HMGCS2: variants seen among roughly 807,000 people sequenced by gnomAD.
HMGCS2 encodes the protein hydroxymethylglutaryl-CoA synthase, mitochondrial.
HMGCS2 carries 50 observed loss-of-function variants against 57.4 expected under a neutral mutation model. That is an observed-to-expected ratio of 0.87 (90% CI 0.69 to 1.10). HMGCS2 has a LOEUF of 1.10. Among genes scored for constraint, HMGCS2 ranks in the 50% least tolerant of loss-of-function variants. The pLI is 0.00. For synonymous variants in HMGCS2, 254 were observed against 245.1 expected, an observed-to-expected ratio of 1.04 and a Z score of -0.34; for missense variants, 627 against 636.5, an observed-to-expected ratio of 0.99 and a Z score of 0.16.
rs200607527 is a variant in HMGCS2, at chr1:119,764,385, G to A, written c.346C>T (p.Arg116Cys). ...ACAGAGTCCCATGGGAGCTGTATGC[G>A]CTCCATCAGCCGTTGCACCACCGTC... ...CLTVVQRLME[R>C]IQLPWDSVGR... The change falls in exon 2 of 10, where the codon CGC becomes TGC. Residue 116 changes from arginine (R) to cysteine (C), a missense_variant. Transcript: ENST00000369406. 120 of 1,614,080 alleles carry A rather than the reference G, an allele frequency of 7.4e-5. No homozygotes were observed. The highest frequency in any genetic ancestry group is 9.1e-5 in the Non-Finnish European group (107 of 1,180,038).
In HMGCS2 at chr1:119,764,355, T is replaced by G. The variant is rs1436348108; in HGVS notation, c.376A>C (p.Arg126=). 1 of 1,614,150 alleles carries G rather than the reference T, an allele frequency of 6.2e-7. No homozygotes were observed. Among genetic ancestry groups the G allele is most frequent in the African/African-American group, 1.3e-5 (1 of 74,952 alleles). The part of the protein sequence containing the change: ...RIQLPWDSVG[R]LEVGTETIID... ...ATGGTCTCAGTGCCTACTTCCAGCCTGCCCACAGAGTCCCATGGGAGCTGT... is the reference window on the plus strand; with the variant it reads ...ATGGTCTCAGTGCCTACTTCCAGCCGGCCCACAGAGTCCCATGGGAGCTGT... Residue 126 remains arginine, a synonymous_variant, in exon 2 of 10, where the codon AGG becomes CGG. Coordinates refer to ENST00000369406, the MANE Select transcript of HMGCS2 (RefSeq NM_005518.4).
chr1:119,756,163 A>G (rs901737317), intron 5 of HMGCS2, among the ~76,000 whole-genome samples: 1 of 152,146 alleles, frequency 6.6e-6, no homozygotes, highest in Non-Finnish European at 1.5e-5. Flanking sequence ...ACTACTGCCC[A>G]TTTTCCCACA....
At chr1:119,767,873 G>A (rs1653288341) in intron 1 of HMGCS2, among the ~76,000 whole-genome samples, 1 of 152,174 alleles carries the variant, frequency 6.6e-6, no homozygotes, top group African/African-American at 2.4e-5. Flanking sequence ...GCAGTGCATG[G>A]GGAGAGTGAG....
At position 119,757,431 on chromosome 1, in the gene HMGCS2, GC is replaced by G; in HGVS notation, c.857del (p.Ser286ThrfsTer13). 1.2e-6 allele frequency: 2 copies of G among 1,613,822 alleles called. No homozygotes were observed. Among genetic ancestry groups the G allele is most frequent in the Non-Finnish European group, 1.7e-6 (2 of 1,179,728 alleles). ...KIQNQWKQAG[S>X]DRPFTLDDLQ... ...AATCGTCAAGGGTGAAGGGTCGATC[GC>G]TGCCAGCTGGAAGAGGAAGCGTGAA... is the stretch of plus-strand genomic sequence containing the variant. On this transcript the variant is annotated frameshift_variant, in exon 5 of 10. Coordinates refer to ENST00000369406, the MANE Select transcript of HMGCS2 (RefSeq NM_005518.4). LOFTEE classifies it high-confidence loss of function.
chr1:119,748,514 C>G lies in HMGCS2; in HGVS notation c.*333G>C, dbSNP rs770214388. 1 of 152,228 alleles carries G rather than the reference C, an allele frequency of 6.6e-6. No individual in the cohort carries two copies. 9.4% of individuals were successfully genotyped at this position (152,228 alleles called of 1,614,324 possible). ...TCTAACACATGACAGGAAAGTTTAT[C>G]TGGATCTTGAAGGCAACAGCTGATC... On this transcript the variant is annotated 3_prime_UTR_variant, in exon 10 of 10. Transcript: ENST00000369406.
rs752239721 is a variant in HMGCS2, at chr1:119,759,282, C to T, written c.686G>A (p.Gly229Glu). The change falls in exon 4 of 10, where the codon GGG (glycine) becomes GAG (glutamate). Residue 229 changes from glycine to glutamate, a missense_variant and splice_region_variant. Transcript: ENST00000369406. ...ATTCTCCATATGGGTTCCCCTCAGCCCTGGAAAGGCACACAAAGTGTTTCA... is the reference window on the plus strand; with the variant it reads ...ATTCTCCATATGGGTTCCCCTCAGCTCTGGAAAGGCACACAAAGTGTTTCA... Reference protein sequence around the residue: ...GPKAPLALERGLRGTHMENVY... With the variant: ...GPKAPLALERELRGTHMENVY... 5 of 1,613,702 alleles carry T rather than the reference C, an allele frequency of 3.1e-6. No individual in the cohort carries two copies. The highest frequency in any genetic ancestry group is 4.2e-6 in the Non-Finnish European group (5 of 1,179,828).
intron 5 of HMGCS2, among the ~76,000 whole-genome samples, chr1:119,756,009 C>T (rs587766238): frequency 6.6e-6 from 1 of 152,250 alleles, no homozygotes; most frequent in South Asian, 2.1e-4. Context: ...TGCTCCTGTT[C>T]CTCACTAGTT....
intron 1 of HMGCS2, among the ~76,000 whole-genome samples, chr1:119,767,630 T>C (rs79665498): frequency 7.2e-5 from 11 of 152,308 alleles, no homozygotes; most frequent in Non-Finnish European, 1.3e-4. Context: ...AAAAGCAATA[T>C]TAGTTCAAGC....
chr1:119,759,823 C>T (rs927172340), intron 3 of HMGCS2, 41 bp downstream of exon 3: 1 of 1,612,470 alleles, frequency 6.2e-7, no homozygotes, highest in Admixed American at 1.7e-5. Context: ...ATGTTCTTGG[C>T]TATGCCATGC....
chr1:119,759,103 C>T lies in HMGCS2; in HGVS notation c.850+15G>A. The T allele has an allele frequency of 1.2e-6, 2 of 1,614,124 alleles. No homozygotes were observed. Among genetic ancestry groups the T allele is most frequent in the African/African-American group, 1.3e-5 (1 of 75,060 alleles). ...GTAAATAGAGCCCCCACTTTCTGCCCTCTGAATCTCATACCTTGCTTCCAC... is the reference window on the plus strand; with the variant it reads ...GTAAATAGAGCCCCCACTTTCTGCCTTCTGAATCTCATACCTTGCTTCCAC... On this transcript the variant is annotated intron_variant, in intron 4 of 9. Transcript: ENST00000369406.
At chr1:119,754,847 T>A (rs1652783409) in intron 6 of HMGCS2, among the ~76,000 whole-genome samples, 1 of 152,204 alleles carries the variant, frequency 6.6e-6, no homozygotes. Context: ...CCAAAGCTAC[T>A]GTTTTCTTGA....
Position 119,764,404 on chromosome 1 carries a change from C to T in HMGCS2, c.327G>A (p.Val109=). ...GTATGCGCTCCATCAGCCGTTGCAC[C>T]ACCGTCAGGCACAGGGAGTTGATGT... ...QEDINSLCLT[V]VQRLMERIQL... The change falls in exon 2 of 10, where the codon GTG becomes GTA. Residue 109 remains valine, a synonymous_variant. Coordinates refer to ENST00000369406, the MANE Select transcript of HMGCS2 (RefSeq NM_005518.4). The T allele has an allele frequency of 6.2e-7, 1 of 1,614,274 alleles. No individual in the cohort carries two copies. Among genetic ancestry groups the T allele is most frequent in the Non-Finnish European group, 8.5e-7 (1 of 1,180,050 alleles).
chr1:119,764,091 G>T, intron 2 of HMGCS2, 81 bp downstream of exon 2: 1 of 1,221,880 alleles, frequency 8.2e-7, no homozygotes, highest in Non-Finnish European at 1.2e-6. Flanking sequence ...GAAGCCACCT[G>T]GGGAACTGAA....
intron 8 of HMGCS2, among the ~76,000 whole-genome samples, chr1:119,751,622 G>T (rs1557988011): frequency 6.6e-6 from 1 of 151,980 alleles, no homozygotes; most frequent in Non-Finnish European, 1.5e-5. Flanking sequence ...TGGCCAGGCT[G>T]GTCTCAAACT....
chr1:119,762,443 T>C lies in HMGCS2; in HGVS notation c.559+1729A>G, dbSNP rs587647702. On this transcript the variant is annotated intron_variant, in intron 2 of 9. Transcript: ENST00000369406. ...TTCCAAATATAAATTTTAATTATTT[T>C]CATTTAAAAAAAAAAACACAAGAAA... 9.2e-5 allele frequency among the ~76,000 whole-genome samples: 5 copies of C among 54,510 alleles called. No homozygotes were observed. The South Asian group carries it at 3.2e-3, about 35-fold the overall frequency. The allele number at this position is 54,510 out of a possible 152,430, so 35.8% of individuals were successfully genotyped here. A position where few individuals can be genotyped will look rare whatever the true frequency, so the allele number is the denominator to read the frequency against.
At chr1:119,768,912 T>A (rs587720678), upstream of HMGCS2, 2 of 1,129,116 alleles carry the variant, frequency 1.8e-6, no homozygotes, top group Admixed American at 3.7e-5. Context: ...AGATGCCCAG[T>A]GGTGCCCGGC....
intron 2 of HMGCS2, among the ~76,000 whole-genome samples, chr1:119,763,381 G>GT (rs1227754466): frequency 2.0e-5 from 3 of 152,064 alleles, no homozygotes; most frequent in African/African-American, 4.8e-5. Context: ...CCAACATACT[G>GT]TTTTTTCACA....
chr1:119,767,983 A>G (rs1653292843), intron 1 of HMGCS2, among the ~76,000 whole-genome samples: 1 of 152,222 alleles, frequency 6.6e-6, no homozygotes, highest in African/African-American at 2.4e-5. Context: ...GCAAGGAAAG[A>G]CACTAGGTCA....
In HMGCS2 at chr1:119,759,164, T is replaced by C; in HGVS notation, c.804A>G (p.Arg268=). Residue 268 remains arginine, a synonymous_variant, in exon 4 of 10, where the codon CGA becomes CGG. Transcript: ENST00000369406. ...TTTTTTTACGGTATGATGTGTAACA[T>C]CGATCCAAGGCCCGCAAGTAGCACT... ...SIQCYLRALD[R]CYTSYRKKIQ... is the part of the protein sequence containing the mutation. 1 of 1,614,164 alleles carries C rather than the reference T, an allele frequency of 6.2e-7. No individual in the cohort carries two copies. Among genetic ancestry groups the C allele is most frequent in the Non-Finnish European group, 8.5e-7 (1 of 1,180,026 alleles).
Sources: gnomAD v4.1 joint callset for allele counts (sites outside exome capture counted in the v4.1 genomes callset) on GRCh38, gnomAD v4.1.1 for gene constraint, MANE v1.5 for transcripts, NCBI Gene and HGNC (gene_info 2026-07-23, HGNC 2026-07-21) for gene names.